Variants in NAA25 observed in about 807,000 individuals in gnomAD.
The protein encoded by NAA25 is N-alpha-acetyltransferase 25, NatB auxiliary subunit.
NAA25 carries 30 observed loss-of-function variants against 132.5 expected under a neutral mutation model. The observed-to-expected ratio is 0.23, with a 90% CI of 0.17 to 0.31. The LOEUF (loss-of-function observed/expected upper bound fraction) is 0.31, where lower values mean the gene tolerates loss of function less well. NAA25 is among the 10% of genes least tolerant of loss of function. The probability of loss-of-function intolerance (pLI) is 1.00; values close to 1 mark genes in which losing one functional copy is unlikely to be tolerated. For synonymous variants in NAA25, 359 were observed against 401.9 expected (o/e 0.89, Z 1.28); for missense variants, 771 against 1,150.4 (o/e 0.67, Z 4.77).
At chr12:112,077,748 G>A (rs1204147174) in intron 7 of NAA25, among the ~76,000 whole-genome samples, 2 of 151,968 alleles carry the variant, frequency 1.3e-5, no homozygotes, top group Non-Finnish European at 2.9e-5. Context: ...TATCTACAGA[G>A]TACAAATCCT....
intron 1 of NAA25, among the ~76,000 whole-genome samples, chr12:112,108,171 T>C (rs1287200451): frequency 1.2e-4 from 19 of 152,176 alleles, no homozygotes; most frequent in Admixed American, 1.2e-3. Flanking sequence ...ATTGGGAGCC[T>C]GGAATCTCGG....
At chr12:112,072,608 C>CAA (rs1300393592) in intron 9 of NAA25, among the ~76,000 whole-genome samples, 13 of 86,304 alleles carry the variant, frequency 1.5e-4, no homozygotes, top group East Asian at 4.6e-4. Context: ...GATTCCATCT[C>CAA]AAAAAAAAAA....
chr12:112,035,515 G>A (rs1239682235), intron 22 of NAA25: 1 of 151,922 alleles, frequency 6.6e-6, no homozygotes, highest in Non-Finnish European at 1.5e-5. Flanking sequence ...TCTTGTTCTT[G>A]TTTAATTCTC....
chr12:112,071,792 G>C (rs1426023079), intron 10 of NAA25, 103 bp downstream of exon 10: 2 of 848,150 alleles, frequency 2.4e-6, no homozygotes, highest in Non-Finnish European at 3.5e-6. Flanking sequence ...GAAGACATCT[G>C]CTTCCCAAAC....
chr12:112,091,888 G>T (rs1210783601), intron 2 of NAA25, among the ~76,000 whole-genome samples: 1 of 152,156 alleles, frequency 6.6e-6, no homozygotes, highest in African/African-American at 2.4e-5. Context: ...TTGCTTAAAA[G>T]GATTCTGTGA....
At position 112,072,038 on chromosome 12, in the gene NAA25, G is replaced by C; in HGVS notation, c.893C>G (p.Ser298Cys). The C allele has an allele frequency of 6.2e-7, 1 of 1,611,002 alleles. No homozygotes were observed. The highest frequency in any genetic ancestry group is 8.5e-7 in the Non-Finnish European group (1 of 1,178,260). The change falls in exon 10 of 24, where the codon TCT becomes TGT. Residue 298 changes from serine to cysteine, a missense_variant. Coordinates refer to ENST00000261745, the MANE Select transcript of NAA25 (RefSeq NM_024953.4). ...EHSLEGEVHY[S>C]AEKAVKFIED... ...TATAAACTTCACAGCTTTTTCTGCAGAATAATGTACTTCTCCTTCTAAAGA... is the reference window on the plus strand; with the variant it reads ...TATAAACTTCACAGCTTTTTCTGCACAATAATGTACTTCTCCTTCTAAAGA...
At chr12:112,106,590 T>C (rs2079364212) in intron 1 of NAA25, among the ~76,000 whole-genome samples, 1 of 152,078 alleles carries the variant, frequency 6.6e-6, no homozygotes, top group African/African-American at 2.4e-5. Context: ...CTCTGCCACT[T>C]ACCATCTGTG....
At chr12:112,070,142 T>A (rs992508586) in intron 10 of NAA25, among the ~76,000 whole-genome samples, 2 of 151,934 alleles carry the variant, frequency 1.3e-5, no homozygotes, top group Non-Finnish European at 2.9e-5. Flanking sequence ...ATAATAATAA[T>A]AAAATAAAAA....
chr12:112,047,102 C>A (rs1022860438), intron 17 of NAA25, among the ~76,000 whole-genome samples: 13 of 152,216 alleles, frequency 8.5e-5, no homozygotes, highest in African/African-American at 3.1e-4. Flanking sequence ...GCAGTCCCAG[C>A]ATAGGGGTGA....
chr12:112,075,266 G>A (rs1256418344), intron 8 of NAA25, among the ~76,000 whole-genome samples: 1 of 151,132 alleles, frequency 6.6e-6, no homozygotes, highest in Non-Finnish European at 1.5e-5. Context: ...TCAGCTCACT[G>A]CAACCTCTGC....
chr12:112,069,913 A>G (rs984655358), intron 10 of NAA25, among the ~76,000 whole-genome samples: 2 of 151,966 alleles, frequency 1.3e-5, no homozygotes, highest in African/African-American at 4.8e-5. Context: ...AGATCACTTG[A>G]GTCCAGGAGT....
chr12:112,093,306 G>A (rs1287136032), intron 1 of NAA25, among the ~76,000 whole-genome samples, 170 bp from the exon 2 acceptor site: 5 of 151,944 alleles, frequency 3.3e-5, no homozygotes, highest in Non-Finnish European at 7.4e-5. Flanking sequence ...CTGGGAGCCC[G>A]AGGCAGATGG....
At chr12:112,040,076 G>T in intron 21 of NAA25, 1 of 157,352 alleles carries the variant, frequency 6.4e-6, no homozygotes, top group Non-Finnish European at 1.4e-5. Flanking sequence ...AAAAAGAGGA[G>T]GGAGTTTTGC....
intron 1 of NAA25, among the ~76,000 whole-genome samples, chr12:112,095,381 G>A (rs2136936161): frequency 6.6e-6 from 1 of 151,880 alleles, no homozygotes; most frequent in South Asian, 2.1e-4. Flanking sequence ...GGCTTGCAGT[G>A]AGCTGAGATC....
At chr12:112,066,400 G>A (rs751356135) in intron 11 of NAA25, among the ~76,000 whole-genome samples, 36 of 152,074 alleles carry the variant, frequency 2.4e-4, no homozygotes, top group Non-Finnish European at 4.6e-4. Context: ...CTCCAGTAAC[G>A]TGAAGCTCAC....
intron 10 of NAA25, 128 bp from the exon 11 acceptor site, chr12:112,069,120 G>C: frequency 1.6e-6 from 1 of 619,388 alleles, no homozygotes; most frequent in Non-Finnish European, 2.9e-6. Flanking sequence ...TCCCAAGATA[G>C]CGGGTTATCT....
chr12:112,078,273 G>GAA lies in NAA25; in HGVS notation c.586-9_586-8dup. The GAA allele has an allele frequency of 6.3e-7, 1 of 1,592,010 alleles. No individual in the cohort carries two copies. Among genetic ancestry groups the GAA allele is most frequent in the Non-Finnish European group, 8.5e-7 (1 of 1,169,590 alleles). Reference sequence around the variant, plus strand: ...TCATATAATAAAGTTCAACCTTACAGAAAAAAAACAAGAAGTGCAACCTCT... The same window carrying GAA: ...TCATATAATAAAGTTCAACCTTACAGAAAAAAAAAACAAGAAGTGCAACCTCT... On this transcript the variant is annotated splice_region_variant and splice_polypyrimidine_tract_variant and intron_variant, in intron 6 of 23. Coordinates refer to ENST00000261745, the MANE Select transcript of NAA25 (RefSeq NM_024953.4).
chr12:112,106,622 C>G (rs2079364794), intron 1 of NAA25, among the ~76,000 whole-genome samples: 1 of 152,140 alleles, frequency 6.6e-6, no homozygotes, highest in Admixed American at 6.6e-5. Flanking sequence ...AAATCAGTGT[C>G]TTCAGCTCAA....
At chr12:112,078,148 AG>A (rs774045539) in intron 7 of NAA25, 39 bp downstream of exon 7, 1 of 1,366,870 alleles carries the variant, frequency 7.3e-7, no homozygotes, top group East Asian at 2.3e-5. Flanking sequence ...ATGTTTAAAT[AG>A]GAAAAAAAAA....
Sources: gnomAD v4.1 joint callset for allele counts (sites outside exome capture counted in the v4.1 genomes callset) on GRCh38, gnomAD v4.1.1 for gene constraint, MANE v1.5 for transcripts, NCBI Gene and HGNC (gene_info 2026-07-23, HGNC 2026-07-21) for gene names.